CAST: variants seen among roughly 807,000 people sequenced by gnomAD.
CAST encodes the protein calpastatin, also known as MIR583 host.
CAST carries 76 observed loss-of-function variants against 119.6 expected under a neutral mutation model. That is an observed-to-expected ratio of 0.64 (90% confidence interval 0.53 to 0.77). CAST has a LOEUF of 0.77. Ranked by LOEUF, CAST falls within the 30% of genes least tolerant of loss-of-function variation. CAST has a pLI of 0.00. For synonymous variants in CAST, 319 were observed against 331.6 expected (o/e 0.96, Z 0.41); for missense variants, 953 against 946.5 (o/e 1.01, Z -0.09).
chr5:96,271,819 A>G, the CAST span, among the ~76,000 whole-genome samples: 1 of 152,194 alleles, frequency 6.6e-6, no homozygotes, highest in Non-Finnish European at 1.5e-5. Flanking sequence ...AAGTGAACAG[A>G]CACCTCACAG....
the CAST span, among the ~76,000 whole-genome samples, chr5:96,221,181 T>A: frequency 2.0e-5 from 3 of 152,034 alleles, no homozygotes; most frequent in Admixed American, 6.6e-5. Flanking sequence ...ACAGATGTAG[T>A]CAAGTTAAGT....
the CAST span, among the ~76,000 whole-genome samples, chr5:96,139,505 C>A: frequency 3.6e-5 from 5 of 140,660 alleles, no homozygotes; most frequent in Non-Finnish European, 6.1e-5. Flanking sequence ...TATATATATA[C>A]ACATATATAT....
the CAST span, among the ~76,000 whole-genome samples, chr5:96,419,451 A>C: frequency 6.9e-6 from 1 of 145,154 alleles, no homozygotes; most frequent in African/African-American, 2.7e-5. Context: ...CTCTCTCTAT[A>C]TATATATACA....
chr5:96,418,706 T>G, the CAST span, among the ~76,000 whole-genome samples: 1 of 152,200 alleles, frequency 6.6e-6, no homozygotes, highest in Non-Finnish European at 1.5e-5. Flanking sequence ...ACCTAAGGGC[T>G]TTATGTCTGA....
At chr5:96,078,287 T>G in the CAST span, among the ~76,000 whole-genome samples, 1 of 152,012 alleles carries the variant, frequency 6.6e-6, no homozygotes, top group South Asian at 2.1e-4. Context: ...TTCTTAACAC[T>G]CCCCTTCTCC....
chr5:96,081,528 A>G, the CAST span, among the ~76,000 whole-genome samples: 1 of 152,176 alleles, frequency 6.6e-6, no homozygotes, highest in African/African-American at 2.4e-5. Flanking sequence ...CATGTACCTT[A>G]AAGGGGCAAG....
At chr5:96,475,178 G>A in the CAST span, among the ~76,000 whole-genome samples, 3 of 152,110 alleles carry the variant, frequency 2.0e-5, no homozygotes, top group South Asian at 4.1e-4. Flanking sequence ...AGGTTCTGTC[G>A]GAGAGGCCCC....
At chr5:96,671,870 C>T (rs762296945) in intron 1 of CAST, among the ~76,000 whole-genome samples, 13 of 152,170 alleles carry the variant, frequency 8.5e-5, no homozygotes, top group African/African-American at 2.4e-5. Context: ...TATGTCATTC[C>T]CAAGTATTTC....
chr5:96,388,934 T>C, the CAST span, among the ~76,000 whole-genome samples: 1 of 152,170 alleles, frequency 6.6e-6, no homozygotes, highest in East Asian at 1.9e-4. Flanking sequence ...TAAAAGGAGC[T>C]CTTGCCACTT....
At chr5:96,018,006 T>G in the CAST span, among the ~76,000 whole-genome samples, 1 of 152,306 alleles carries the variant, frequency 6.6e-6, no homozygotes, top group South Asian at 2.1e-4. Context: ...TTCCAGGTAA[T>G]TTAACTACCA....
At chr5:96,699,994 C>A (rs950781358) in intron 3 of CAST, among the ~76,000 whole-genome samples, 1 of 152,174 alleles carries the variant, frequency 6.6e-6, no homozygotes, top group Non-Finnish European at 1.5e-5. Flanking sequence ...GAAATACTTT[C>A]GTGATTTGGG....
chr5:96,192,679 C>G, the CAST span, among the ~76,000 whole-genome samples: 1 of 152,194 alleles, frequency 6.6e-6, no homozygotes, highest in Non-Finnish European at 1.5e-5. Flanking sequence ...CCTACCCCAT[C>G]AACGTCAGAC....
At chr5:96,683,074 C>T (rs936265361) in intron 2 of CAST, among the ~76,000 whole-genome samples, 1 of 152,082 alleles carries the variant, frequency 6.6e-6, no homozygotes, top group Admixed American at 6.5e-5. Context: ...GAAAGAGAGG[C>T]ACTAATGGGG....
the CAST span, among the ~76,000 whole-genome samples, chr5:96,402,370 A>T: frequency 6.6e-6 from 1 of 152,110 alleles, no homozygotes; most frequent in Non-Finnish European, 1.5e-5. Flanking sequence ...CTGGCCCCTC[A>T]TGTTCTTTCC....
At chr5:96,552,330 A>G (rs1443598589) in intron 1 of CAST, among the ~76,000 whole-genome samples, 1 of 152,258 alleles carries the variant, frequency 6.6e-6, no homozygotes, top group Non-Finnish European at 1.5e-5. Context: ...TGGGTAAATA[A>G]TGAAATGAAG....
the CAST span, among the ~76,000 whole-genome samples, chr5:96,202,963 T>C: frequency 6.6e-6 from 1 of 152,052 alleles, no homozygotes; most frequent in African/African-American, 2.4e-5. Flanking sequence ...GCAAAAATAA[T>C]TACAAGTTCA....
the CAST span, among the ~76,000 whole-genome samples, chr5:96,339,703 C>T: frequency 1.3e-5 from 2 of 152,122 alleles, no homozygotes; most frequent in African/African-American, 4.8e-5. Flanking sequence ...GTATCCATAC[C>T]AGTTATGGAT....
intron 1 of CAST, among the ~76,000 whole-genome samples, chr5:96,632,380 A>G (rs1000274578): frequency 4.0e-5 from 6 of 150,558 alleles, no homozygotes; most frequent in Non-Finnish European, 7.4e-5. Flanking sequence ...ATATATAAAA[A>G]TTTATATATA....
In CAST at chr5:96,745,307, A is replaced by G. The variant is rs144861367; in HGVS notation, c.1201-1035A>G. Among the ~76,000 whole-genome samples, 5 of 152,374 alleles carry G rather than the reference A, an allele frequency of 3.3e-5. 1 individual carries two copies. The highest frequency in any genetic ancestry group is 1.2e-4 in the African/African-American group (5 of 41,596). On this transcript the variant is annotated intron_variant, in intron 16 of 31. Transcript: ENST00000675179. ...CAAAGCATAGAACAGTGCCTGGTCC[A>G]TTAAAAGTGCTCAATAAGTAGTAAT...
Sources: allele counts gnomAD v4.1 joint callset (sites outside exome capture counted in the v4.1 genomes callset), GRCh38; gene constraint gnomAD v4.1.1; transcripts MANE v1.5; gene names NCBI Gene and HGNC (gene_info 2026-07-23, HGNC 2026-07-21).